The following FBXL7 variants were observed in gnomAD, a reference collection of about 807,000 sequenced individuals.
FBXL7 encodes F-box/LRR-repeat protein 7.
FBXL7 carries 12 observed loss-of-function variants against 38.3 expected under a neutral mutation model. That is an observed-to-expected ratio of 0.31 (90% confidence interval 0.20 to 0.51). The LOEUF is 0.51. Ranked by LOEUF, FBXL7 falls within the 20% of genes least tolerant of loss-of-function variation. FBXL7 has a pLI of 0.98. For missense variants in FBXL7, 567 were observed against 676.4 expected, an observed-to-expected ratio of 0.84 and a Z score of 1.79; for synonymous variants, 297 against 300.9, an observed-to-expected ratio of 0.99 and a Z score of 0.13.
At chr5:15,822,886 C>T (rs926415368) in intron 2 of FBXL7, among the ~76,000 whole-genome samples, 11 of 152,064 alleles carry the variant, frequency 7.2e-5, no homozygotes, top group African/African-American at 2.7e-4. Flanking sequence ...GGTCTCACCA[C>T]CAGGTTTTCT....
intron 1 of FBXL7, among the ~76,000 whole-genome samples, chr5:15,560,311 A>G (rs1561027749): frequency 1.3e-5 from 2 of 152,182 alleles, no homozygotes; most frequent in African/African-American, 4.8e-5. Flanking sequence ...AAATGCTATA[A>G]TAGTTAGTTA....
At chr5:15,600,255 T>C (rs544545324) in intron 1 of FBXL7, among the ~76,000 whole-genome samples, 1 of 152,260 alleles carries the variant, frequency 6.6e-6, no homozygotes, top group East Asian at 1.9e-4. Flanking sequence ...TGCTGGTGGA[T>C]TGGATTGTCA....
At chr5:15,557,686 G>C (rs924955212) in intron 1 of FBXL7, among the ~76,000 whole-genome samples, 1 of 152,190 alleles carries the variant, frequency 6.6e-6, no homozygotes, top group Non-Finnish European at 1.5e-5. Context: ...TTGCCAGAGA[G>C]CCTTGTATTT....
At chr5:15,555,377 G>T (rs983889) in intron 1 of FBXL7, among the ~76,000 whole-genome samples, 82,908 of 152,032 alleles carry the variant, frequency 0.55, 23,744 homozygotes, top group African/African-American at 0.72. Context: ...TGGGAAGCAG[G>T]CATCAAAGCC....
intron 2 of FBXL7, among the ~76,000 whole-genome samples, chr5:15,737,855 A>G (rs943002110): frequency 2.6e-5 from 4 of 152,220 alleles, no homozygotes; most frequent in African/African-American, 9.6e-5. Context: ...TTACCAAAGC[A>G]TCCTGGTACC....
At chr5:15,867,099 C>A (rs1011236419) in intron 2 of FBXL7, among the ~76,000 whole-genome samples, 1 of 152,150 alleles carries the variant, frequency 6.6e-6, no homozygotes, top group African/African-American at 2.4e-5. Flanking sequence ...AATTAGAAGA[C>A]CTTGTAAATT....
chr5:15,527,288 A>G (rs1039912771), intron 1 of FBXL7, among the ~76,000 whole-genome samples: 4 of 152,244 alleles, frequency 2.6e-5, no homozygotes, highest in South Asian at 2.1e-4. Context: ...ATAGTCGAGT[A>G]TCATAATCCC....
chr5:15,917,644 G>GGGAGGGAGGGAA (rs1303146282), intron 2 of FBXL7, among the ~76,000 whole-genome samples: 1 of 90,948 alleles, frequency 1.1e-5, no homozygotes, highest in African/African-American at 4.1e-5. Context: ...AAGGAAGGGA[G>GGGAGGGAGGGAA]GGAAGGAAGG....
chr5:15,572,910 T>C (rs1297764117), intron 1 of FBXL7, among the ~76,000 whole-genome samples: 2 of 152,172 alleles, frequency 1.3e-5, no homozygotes, highest in Non-Finnish European at 2.9e-5. Flanking sequence ...AAGACCTCTC[T>C]TGATTTATGT....
intron 2 of FBXL7, among the ~76,000 whole-genome samples, chr5:15,660,557 C>G (rs541576456): frequency 3.0e-4 from 46 of 152,188 alleles, no homozygotes; most frequent in African/African-American, 1.0e-3. Context: ...GGGGTTTCAC[C>G]GTGTTGGTCA....
intron 1 of FBXL7, among the ~76,000 whole-genome samples, chr5:15,546,004 C>T (rs76275563): frequency 0.034 from 5,219 of 152,090 alleles, 213 homozygotes; most frequent in African/African-American, 0.1. Context: ...ATTTTCAAAA[C>T]GTAGTATGAA....
intron 2 of FBXL7, among the ~76,000 whole-genome samples, chr5:15,867,440 G>C (rs1329491263): frequency 6.6e-6 from 1 of 152,120 alleles, no homozygotes; most frequent in Non-Finnish European, 1.5e-5. Flanking sequence ...CTATCACATA[G>C]ACCTGTCACA....
chr5:15,572,833 C>T (rs1475869687), intron 1 of FBXL7, among the ~76,000 whole-genome samples: 1 of 152,148 alleles, frequency 6.6e-6, no homozygotes. Flanking sequence ...CTCCCACTGC[C>T]CCATACACCC....
intron 2 of FBXL7, among the ~76,000 whole-genome samples, chr5:15,748,518 T>C (rs1162503989): frequency 6.6e-6 from 1 of 152,200 alleles, no homozygotes; most frequent in African/African-American, 2.4e-5. Flanking sequence ...GGAGTTCCCC[T>C]ACATAAGCCC....
chr5:15,795,827 G>A (rs1462504399), intron 2 of FBXL7, among the ~76,000 whole-genome samples: 2 of 151,980 alleles, frequency 1.3e-5, no homozygotes, highest in Admixed American at 1.3e-4. Context: ...CACTATACCT[G>A]AGCATCTCAT....
At chr5:15,830,282 G>T (rs1023445963) in intron 2 of FBXL7, among the ~76,000 whole-genome samples, 1 of 152,042 alleles carries the variant, frequency 6.6e-6, no homozygotes, top group Non-Finnish European at 1.5e-5. Context: ...TCAGGAGTTC[G>T]AGACCAGCCT....
intron 2 of FBXL7, among the ~76,000 whole-genome samples, chr5:15,849,784 T>C (rs1488653486): frequency 6.6e-6 from 1 of 152,238 alleles, no homozygotes; most frequent in Non-Finnish European, 1.5e-5. Flanking sequence ...CATACTATTA[T>C]GACAGTTTAC....
intron 1 of FBXL7, among the ~76,000 whole-genome samples, chr5:15,562,172 A>G (rs770666317): frequency 2.0e-5 from 3 of 152,156 alleles, no homozygotes; most frequent in East Asian, 1.9e-4. Flanking sequence ...AGAATAAAAT[A>G]TAGGGGAAAA....
rs184347968 is a variant in FBXL7 at position 15,615,081 on chromosome 5, C to T, written c.38-902C>T. On this transcript the variant is annotated intron_variant, in intron 1 of 3. Transcript: ENST00000504595. ...ACCATGAGGGCGTCTTAGGAATCTG[C>T]GCACCACAGTCAGTAGGTTTCTCCA... Among the ~76,000 whole-genome samples the T allele has an allele frequency of 3.3e-5, 5 of 152,248 alleles. No individual in the cohort carries two copies. In the East Asian group the frequency reaches 5.8e-4, roughly 18 times the overall value.
Sources: allele counts gnomAD v4.1 joint callset (sites outside exome capture counted in the v4.1 genomes callset), GRCh38; gene constraint gnomAD v4.1.1; transcripts MANE v1.5; gene names NCBI Gene and HGNC (gene_info 2026-07-23, HGNC 2026-07-21).